Variants in KHSRP observed in about 807,000 individuals in gnomAD.
KHSRP encodes the protein far upstream element-binding protein 2.
Under a neutral mutation model 94.9 loss-of-function variants are expected in KHSRP, and 13 were observed. The ratio of observed to expected loss-of-function variants is 0.14; its 90% confidence interval spans 0.09 to 0.22. The LOEUF (loss-of-function observed/expected upper bound fraction) is 0.22. Ranked by LOEUF, KHSRP falls within the 10% of genes least tolerant of loss-of-function variation. The pLI, the probability that KHSRP is intolerant of heterozygous loss-of-function variation, is 1.00. For synonymous variants in KHSRP, 495 were observed against 401.4 expected (o/e 1.23, Z -2.79); for missense variants, 710 against 1,010.0 (o/e 0.70, Z 4.03).
At chr19:6,421,339 C>A in intron 3 of KHSRP, 22 bp from the exon 4 acceptor site, 1 of 1,580,742 alleles carries the variant, frequency 6.3e-7, no homozygotes, top group Non-Finnish European at 8.6e-7. Flanking sequence ...AAACCCAAAG[C>A]AAAGACTGGC....
chr19:6,417,920 C>A, intron 10 of KHSRP, 61 bp downstream of exon 10: 1 of 1,602,056 alleles, frequency 6.2e-7, no homozygotes, highest in Non-Finnish European at 8.5e-7. Flanking sequence ...AGGAGCCACT[C>A]ACCCCGGCCC....
rs1304939769 is a variant in KHSRP at position 6,417,983 on chromosome 19, C to T, written c.976G>A (p.Asp326Asn). 6.2e-6 allele frequency: 10 copies of T among 1,613,720 alleles called. No homozygotes were observed. The highest frequency in any genetic ancestry group is 8.5e-6 in the Non-Finnish European group (10 of 1,179,758). ...EYGSRIGGGI[D>N]VPVPRHSVGV... ...GTGAAGGCAGGGCCCACACTCACAT[C>T]GATGCCTCCGCCAATCCGAGATCCG... The change falls in exon 10 of 19, where the codon GAT (aspartate) becomes AAT (asparagine). Residue 326 changes from aspartate to asparagine, a missense_variant and splice_region_variant. By Grantham distance (23) the Asp-to-Asn change is conservative (BLOSUM62 1). Coordinates refer to ENST00000600480, the MANE Select transcript of KHSRP (RefSeq NM_001366299.1).
chr19:6,423,074 G>A (rs918999477), intron 1 of KHSRP, among the ~76,000 whole-genome samples: 40 of 152,174 alleles, frequency 2.6e-4, no homozygotes, highest in Admixed American at 6.5e-4. Flanking sequence ...GAACTCAGGA[G>A]TTCGAGACAG....
At chr19:6,417,954 G>C (rs371343408) in intron 10 of KHSRP, 27 bp downstream of exon 10, 19 of 1,608,540 alleles carry the variant, frequency 1.2e-5, no homozygotes, top group East Asian at 2.2e-5. Flanking sequence ...CGGGGGAGAG[G>C]GGGGTGAAGG....
chr19:6,420,411 C>T lies in KHSRP; in HGVS notation c.475+11G>A. 6.2e-7 allele frequency: 1 copy of T among 1,613,454 alleles called. No individual in the cohort carries two copies. The highest frequency in any genetic ancestry group is 8.5e-7 in the Non-Finnish European group (1 of 1,179,496). Reference sequence around the variant, plus strand: ...GAGTGGGCCTCCCCACCCAAGGTGACCCACACTCACTCAGGCCCACCATGC... The same window carrying T: ...GAGTGGGCCTCCCCACCCAAGGTGATCCACACTCACTCAGGCCCACCATGC... On this transcript the variant is annotated intron_variant, in intron 5 of 18. Coordinates refer to ENST00000600480, the MANE Select transcript of KHSRP (RefSeq NM_001366299.1).
chr19:6,417,718 C>T, intron 11 of KHSRP, 21 bp downstream of exon 11: 1 of 1,604,022 alleles, frequency 6.2e-7, no homozygotes, highest in Non-Finnish European at 8.5e-7. Flanking sequence ...TGGCCAGGGG[C>T]AGGGTGGGCC....
In KHSRP at chr19:6,418,885, G is replaced by C. The variant is rs1163441365; in HGVS notation, c.606-9C>G. 1 of 1,537,230 alleles carries C rather than the reference G, an allele frequency of 6.5e-7. No individual in the cohort carries two copies. Among genetic ancestry groups the C allele is most frequent in the East Asian group, 2.3e-5 (1 of 44,096 alleles). ...GCATCATCTTGGCTTTCCTGGGAAG[G>C]GGAGGAGCGGGGGATGAGCGGGTGC... On this transcript the variant is annotated splice_polypyrimidine_tract_variant and intron_variant, in intron 7 of 18. Transcript: ENST00000600480. The surrounding 1 kb of genome is among the most constrained non-coding windows in gnomAD (Gnocchi z 4.3).
chr19:6,418,154 G>A lies in KHSRP; in HGVS notation c.880-75C>T, dbSNP rs936771896. ...ACCCCCCCACCTCCTCGGGGGTGCG[G>A]GCCTCAACTAAGGACCCACGAACCC... is the stretch of plus-strand genomic sequence containing the variant. On this transcript the variant is annotated intron_variant, in intron 9 of 18. Coordinates refer to ENST00000600480, the MANE Select transcript of KHSRP (RefSeq NM_001366299.1). This position sits in a 1 kb window ranked among gnomAD's most constrained non-coding sequence, Gnocchi z 4.3. 2.9e-6 allele frequency: 4 copies of A among 1,357,344 alleles called. No homozygotes were observed. The highest frequency in any genetic ancestry group is 1.4e-5 in the African/African-American group (1 of 69,582). 84.1% of individuals were successfully genotyped at this position (1,357,344 alleles called of 1,614,324 possible).
In KHSRP at chr19:6,415,471, G is replaced by T. The variant is rs752993917; in HGVS notation, c.1889-14C>A. 1.3e-6 allele frequency: 2 copies of T among 1,553,778 alleles called. No individual in the cohort carries two copies. The highest frequency in any genetic ancestry group is 1.7e-6 in the Non-Finnish European group (2 of 1,148,638). ...GGGGCTGCTGGCCTGTGCGGGCGCC[G>T]AGACAGGTCAGAAACCACTCCCCCG... On this transcript the variant is annotated splice_polypyrimidine_tract_variant and intron_variant, in intron 17 of 18. Transcript: ENST00000600480.
Position 6,414,820 on chromosome 19 carries a change from G to C in KHSRP, c.*204C>G. ...CGGGCCGGTGCCCACCGTCCGCGCTGTCTGCCTGCCCCCCGACTCCCCAGC... is the reference window on the plus strand; with the variant it reads ...CGGGCCGGTGCCCACCGTCCGCGCTCTCTGCCTGCCCCCCGACTCCCCAGC... On this transcript the variant is annotated 3_prime_UTR_variant, in exon 19 of 19. Transcript: ENST00000600480. 8.2e-7 allele frequency: 1 copy of C among 1,225,474 alleles called. No homozygotes were observed. The allele number at this position is 1,225,474 out of a possible 1,614,324, so 75.9% of individuals were successfully genotyped here. A position where few individuals can be genotyped will look rare whatever the true frequency, so the allele number is the denominator to read the frequency against.
rs2092166217 is a variant in KHSRP, at chr19:6,418,138, C to A, written c.880-59G>T. 1.4e-6 allele frequency: 2 copies of A among 1,475,696 alleles called. No homozygotes were observed. The highest frequency in any genetic ancestry group is 1.7e-5 in the Admixed American group (1 of 57,656). 91.4% of individuals were successfully genotyped at this position (1,475,696 alleles called of 1,614,324 possible). On this transcript the variant is annotated intron_variant, in intron 9 of 18. Coordinates refer to ENST00000600480, the MANE Select transcript of KHSRP (RefSeq NM_001366299.1). The surrounding 1 kb of genome is among the most constrained non-coding windows in gnomAD (Gnocchi z 4.3). ...AGCCCTGCTGCCCCACACCCCCCCA[C>A]CTCCTCGGGGGTGCGGGCCTCAACT...
intron 2 of KHSRP, among the ~76,000 whole-genome samples, chr19:6,422,035 G>A (rs1235398407): frequency 6.6e-6 from 1 of 152,180 alleles, no homozygotes; most frequent in East Asian, 1.9e-4. Context: ...ACGCACCCCA[G>A]AGCTGGGCCA....
At chr19:6,424,355 C>A (rs1439486186) in intron 1 of KHSRP, 98 bp downstream of exon 1, 16 of 490,994 alleles carry the variant, frequency 3.3e-5, no homozygotes, top group Non-Finnish European at 4.2e-5. Flanking sequence ...CCCCGGCCCC[C>A]CTCCGCGACC....
rs2092173734 is a variant in KHSRP, at chr19:6,418,779, C to A, written c.703G>T (p.Val235Leu). The A allele has an allele frequency of 6.2e-7, 1 of 1,607,426 alleles. No individual in the cohort carries two copies. Among genetic ancestry groups the A allele is most frequent in the Non-Finnish European group, 8.5e-7 (1 of 1,177,946 alleles). ...DNANGGQNGT[V>L]QEIMIPAGKA... Reference sequence around the variant, plus strand: ...CCCGCGGGGATCATGATCTCCTGCACGGTGCCGTTCTGGCCCCCGTTGGCG... The same window carrying A: ...CCCGCGGGGATCATGATCTCCTGCAAGGTGCCGTTCTGGCCCCCGTTGGCG... The change falls in exon 8 of 19, where the codon GTG becomes TTG. Residue 235 changes from valine to leucine, a missense_variant. Coordinates refer to ENST00000600480, the MANE Select transcript of KHSRP (RefSeq NM_001366299.1). This position sits in a 1 kb window ranked among gnomAD's most constrained non-coding sequence, Gnocchi z 4.3.
intron 6 of KHSRP, 47 bp from the exon 7 acceptor site, chr19:6,419,307 A>T: frequency 6.6e-7 from 1 of 1,512,566 alleles, no homozygotes; most frequent in Non-Finnish European, 8.9e-7. Context: ...CCACAGGCAG[A>T]GAAAGGCCTG....
intron 7 of KHSRP, 144 bp from the exon 8 acceptor site, chr19:6,419,020 G>C: frequency 8.9e-7 from 1 of 1,127,702 alleles, no homozygotes; most frequent in South Asian, 1.5e-5. Flanking sequence ...GGGCTGTTCA[G>C]GCTCCAGGTT....
At chr19:6,416,019 GGC>G in intron 15 of KHSRP, 123 bp from the exon 16 acceptor site, 1 of 693,078 alleles carries the variant, frequency 1.4e-6, no homozygotes, top group Non-Finnish European at 2.4e-6. Flanking sequence ...GGCTCAACGG[GGC>G]GCCTGGGAAA....
chr19:6,414,867 A>G lies in KHSRP; in HGVS notation c.*157T>C. On this transcript the variant is annotated 3_prime_UTR_variant, in exon 19 of 19. Coordinates refer to ENST00000600480, the MANE Select transcript of KHSRP (RefSeq NM_001366299.1). The stretch of plus-strand genomic sequence containing the variant: ...CAGCAGTTCAGAAGTCCCGCCTGCG[A>G]GTCTCAGCGCTCCCCAGCATCACGA... 7.6e-7 allele frequency: 1 copy of G among 1,309,682 alleles called. No homozygotes were observed. Among genetic ancestry groups the G allele is most frequent in the Non-Finnish European group, 9.7e-7 (1 of 1,030,676 alleles). The allele number at this position is 1,309,682 out of a possible 1,614,324, so 81.1% of individuals were successfully genotyped here.
Position 6,418,102 on chromosome 19 carries a change from C to A in KHSRP, c.880-23G>T. On this transcript the variant is annotated intron_variant, in intron 9 of 18. Coordinates refer to ENST00000600480, the MANE Select transcript of KHSRP (RefSeq NM_001366299.1). The surrounding 1 kb of genome is among the most constrained non-coding windows in gnomAD (Gnocchi z 4.3). ...TTGCTGCAAACACACAGGAAGCAGC[C>A]CCCATGGGTGAGCCCTGCTGCCCCA... 6.2e-7 allele frequency: 1 copy of A among 1,607,390 alleles called. No individual in the cohort carries two copies.
Sources: allele counts gnomAD v4.1 joint callset (sites outside exome capture counted in the v4.1 genomes callset), GRCh38; gene constraint gnomAD v4.1.1; non-coding constraint Gnocchi (gnomAD v3.1); transcripts MANE v1.5; gene names NCBI Gene and HGNC (gene_info 2026-07-23, HGNC 2026-07-21).